Variants in MSRB3 observed in about 807,000 individuals in gnomAD.
MSRB3 encodes the protein methionine sulfoxide reductase B3, also known as methionine-R-sulfoxide reductase B3.
MSRB3 carries 13 observed loss-of-function variants against 21.0 expected under a neutral mutation model. The observed-to-expected ratio is 0.62, with a 90% CI of 0.40 to 0.98. The LOEUF (loss-of-function observed/expected upper bound fraction) is 0.98, where lower values mean the gene tolerates loss of function less well. MSRB3 is among the 50% of genes least tolerant of loss of function. The probability of loss-of-function intolerance (pLI) is 0.00; values close to 1 mark genes in which losing one functional copy is unlikely to be tolerated. For synonymous variants in MSRB3, 87 were observed against 88.6 expected (o/e 0.98, Z 0.10); for missense variants, 199 against 230.3 (o/e 0.86, Z 0.88).
intron 5 of MSRB3, among the ~76,000 whole-genome samples, chr12:65,451,820 C>G (rs1882870797): frequency 1.3e-5 from 2 of 152,150 alleles, no homozygotes; most frequent in South Asian, 4.1e-4. Flanking sequence ...AATTGTTTAT[C>G]TCATTTGCTT....
intron 5 of MSRB3, chr12:65,418,786 G>A (rs1038227179): frequency 8.3e-6 from 8 of 969,538 alleles, no homozygotes; most frequent in African/African-American, 1.6e-5. Context: ...TGTCTGGCGG[G>A]TGGTGGTCTT....
At chr12:65,364,174 A>G (rs1490653694) in intron 4 of MSRB3, among the ~76,000 whole-genome samples, 1 of 152,158 alleles carries the variant, frequency 6.6e-6, no homozygotes, top group East Asian at 1.9e-4. Flanking sequence ...GGAAGGGTAC[A>G]TTCCTTCCCT....
chr12:65,308,875 G>T (rs1448930111), intron 2 of MSRB3: 5 of 609,958 alleles, frequency 8.2e-6, no homozygotes, highest in African/African-American at 7.4e-5. Context: ...TCCTTGCCCA[G>T]TGTATAATTG....
chr12:65,419,108 C>A (rs2136639480), intron 5 of MSRB3: 1 of 686,398 alleles, frequency 1.5e-6, no homozygotes, highest in Non-Finnish European at 2.7e-6. Context: ...GAGGACTGGG[C>A]TGTATGTTAC....
chr12:65,337,319 A>C lies in MSRB3; in HGVS notation c.263+8716A>C, dbSNP rs548380837. Reference sequence around the variant, plus strand: ...CATGGTGATGCATGCCTGTAGTCTCAGCTACTTGGGAGGCTGAGGCAGGAG... The same window carrying C: ...CATGGTGATGCATGCCTGTAGTCTCCGCTACTTGGGAGGCTGAGGCAGGAG... On this transcript the variant is annotated intron_variant, in intron 4 of 6. Transcript: ENST00000308259. Among the ~76,000 whole-genome samples, 541 of 151,736 alleles carry C rather than the reference A, an allele frequency of 3.6e-3. 2 individuals are homozygous for C. Among genetic ancestry groups the C allele is most frequent in the Non-Finnish European group, 6.1e-3 (413 of 67,914 alleles).
At chr12:65,459,654 G>GA (rs1167443040) in intron 6 of MSRB3, among the ~76,000 whole-genome samples, 2 of 152,236 alleles carry the variant, frequency 1.3e-5, no homozygotes, top group East Asian at 3.9e-4. Flanking sequence ...GCCCTGCTTT[G>GA]AAAATGCTTC....
chr12:65,414,425 A>G (rs1190128105), intron 5 of MSRB3, among the ~76,000 whole-genome samples: 1 of 152,160 alleles, frequency 6.6e-6, no homozygotes, highest in Admixed American at 6.5e-5. Flanking sequence ...AGATTATAAT[A>G]TCATATTTTT....
At chr12:65,429,782 G>A (rs1374137650) in intron 5 of MSRB3, among the ~76,000 whole-genome samples, 6 of 152,138 alleles carry the variant, frequency 3.9e-5, no homozygotes, top group East Asian at 1.9e-4. Flanking sequence ...AATGAATTCA[G>A]GATGATGTGA....
chr12:65,466,899 A>T lies in MSRB3; in HGVS notation c.*3577A>T, dbSNP rs1214948916. ...AAGAATTATGCAATAAAATTTCTTT[A>T]TAAAAATATTTTCTTCTTTGATTCC... On this transcript the variant is annotated 3_prime_UTR_variant, in exon 7 of 7. Transcript: ENST00000308259. 1 of 152,232 alleles carries T rather than the reference A, an allele frequency of 6.6e-6. No individual in the cohort carries two copies. Among genetic ancestry groups the T allele is most frequent in the Non-Finnish European group, 1.5e-5 (1 of 68,040 alleles). 9.4% of individuals were successfully genotyped at this position (152,232 alleles called of 1,614,324 possible).
intron 1 of MSRB3, chr12:65,279,163 G>T: frequency 9.7e-7 from 1 of 1,036,026 alleles, no homozygotes; most frequent in Non-Finnish European, 1.3e-6. Context: ...CTGAACCCGC[G>T]GGAGCCTCTC....
At position 65,337,361 on chromosome 12, in the gene MSRB3, G is replaced by A. The variant is rs182557365; in HGVS notation, c.263+8758G>A. On this transcript the variant is annotated intron_variant, in intron 4 of 6. Coordinates refer to ENST00000308259, the MANE Select transcript of MSRB3 (RefSeq NM_001031679.3). ...AGGCAGGAGAATCGCTTGAACCCGG[G>A]AGATAGAGATGGCAGCGAGCCGAGA... Among the ~76,000 whole-genome samples, 1,052 of 147,950 alleles carry A rather than the reference G, an allele frequency of 7.1e-3. 8 individuals carry two copies. The highest frequency in any genetic ancestry group is 0.012 in the Non-Finnish European group (830 of 66,734).
At chr12:65,298,897 T>A (rs144592549) in intron 1 of MSRB3, among the ~76,000 whole-genome samples, 4 of 152,296 alleles carry the variant, frequency 2.6e-5, no homozygotes, top group Non-Finnish European at 4.4e-5. Context: ...GATACTGTAG[T>A]TTATAGTCCC....
chr12:65,308,635 G>C lies in MSRB3; in HGVS notation c.56G>C (p.Arg19Pro). ...LVTKSQPVAL[R>P]ACGLPSGSCR... ...ACAAAGAGCCAGCCAGTAGCCCTTC[G>C]AGCCTGTGGGCTTCCCTCAGGTTGC... is the stretch of plus-strand genomic sequence containing the variant. The change falls in exon 2 of 7, where the codon CGA becomes CCA. Residue 19 changes from arginine to proline, a missense_variant. Transcript: ENST00000308259. 1 of 1,613,936 alleles carries C rather than the reference G, an allele frequency of 6.2e-7. No individual in the cohort carries two copies. The highest frequency in any genetic ancestry group is 8.5e-7 in the Non-Finnish European group (1 of 1,179,880).
intron 1 of MSRB3, among the ~76,000 whole-genome samples, chr12:65,287,881 C>G (rs1011715846): frequency 2.6e-5 from 4 of 152,264 alleles, no homozygotes; most frequent in African/African-American, 9.6e-5. Flanking sequence ...ATGAAAAGAA[C>G]ATTTGACAGT....
chr12:65,352,869 C>A (rs1046170869), intron 4 of MSRB3, among the ~76,000 whole-genome samples: 1 of 151,392 alleles, frequency 6.6e-6, no homozygotes, highest in African/African-American at 2.4e-5. Flanking sequence ...GAATCAATAT[C>A]GTGAAAATGG....
At chr12:65,363,445 T>C (rs1877825503) in intron 4 of MSRB3, among the ~76,000 whole-genome samples, 1 of 152,154 alleles carries the variant, frequency 6.6e-6, no homozygotes. Flanking sequence ...TTTTGAAAAT[T>C]TGCAACTCTA....
chr12:65,304,699 A>G lies in MSRB3; in HGVS notation c.-51-3830A>G, dbSNP rs535576840. Among the ~76,000 whole-genome samples the G allele has an allele frequency of 8.5e-5, 13 of 152,362 alleles. No homozygotes were observed. The South Asian group carries it at 2.3e-3, about 27-fold the overall frequency. ...ATCCTTGCTCAATGCTGATTTCTAC[A>G]GGGTGTTTAATGCTAAGCTTTTGCT... is the stretch of plus-strand genomic sequence containing the variant. On this transcript the variant is annotated intron_variant, in intron 1 of 6. Coordinates refer to ENST00000308259, the MANE Select transcript of MSRB3 (RefSeq NM_001031679.3).
intron 5 of MSRB3, among the ~76,000 whole-genome samples, chr12:65,451,786 T>C (rs1235698178): frequency 3.9e-5 from 6 of 152,242 alleles, no homozygotes; most frequent in African/African-American, 1.4e-4. Context: ...TCTCTCTTTC[T>C]TGTGGAACTC....
At position 65,413,562 on chromosome 12, in the gene MSRB3, T is replaced by C. The variant is rs1880823137; in HGVS notation, c.293-40166T>C. Among the ~76,000 whole-genome samples the C allele has an allele frequency of 2.2e-5, 3 of 137,046 alleles. No homozygotes were observed. In the South Asian group the frequency reaches 6.8e-4, roughly 31 times the overall value. The allele number at this position is 137,046 out of a possible 152,430, so 89.9% of individuals were successfully genotyped here. Reference sequence around the variant, plus strand: ...TGAACTCTAGTCTTTCTTCATAGATTAATTTCATCCCTCATTCAGTAATCC... The same window carrying C: ...TGAACTCTAGTCTTTCTTCATAGATCAATTTCATCCCTCATTCAGTAATCC... On this transcript the variant is annotated intron_variant, in intron 5 of 6. Coordinates refer to ENST00000308259, the MANE Select transcript of MSRB3 (RefSeq NM_001031679.3).
Sources: gnomAD v4.1 joint callset for allele counts (sites outside exome capture counted in the v4.1 genomes callset) on GRCh38, gnomAD v4.1.1 for gene constraint, MANE v1.5 for transcripts, NCBI Gene and HGNC (gene_info 2026-07-23, HGNC 2026-07-21) for gene names.